The following SCN10A variants were observed in gnomAD, a reference collection of about 807,000 sequenced individuals.
SCN10A encodes sodium voltage-gated channel alpha subunit 10, also known as sodium channel protein type 10 subunit alpha.
A neutral mutation model predicts 170.7 loss-of-function variants in SCN10A; 162 were observed. The ratio of observed to expected loss-of-function variants is 0.95; its 90% confidence interval spans 0.84 to 1.08. The LOEUF is 1.08. Ranked by LOEUF, SCN10A falls within the 50% of genes least tolerant of loss-of-function variation. The pLI is 0.00. For missense variants in SCN10A, 2,527 were observed against 2,436.9 expected, an observed-to-expected ratio of 1.04 and a Z score of -0.78; for synonymous variants, 985 against 904.6, an observed-to-expected ratio of 1.09 and a Z score of -1.59.
intron 3 of SCN10A, among the ~76,000 whole-genome samples, chr3:38,790,167 G>GT (rs1251721011): frequency 2.0e-5 from 3 of 151,928 alleles, no homozygotes; most frequent in Non-Finnish European, 4.4e-5. Context: ...AACTAAAATC[G>GT]TGTCTCCAAT....
At chr3:38,777,853 A>C (rs1451394304) in intron 4 of SCN10A, among the ~76,000 whole-genome samples, 2 of 152,126 alleles carry the variant, frequency 1.3e-5, no homozygotes, top group Non-Finnish European at 2.9e-5. Context: ...GGAATAATCC[A>C]TATGGAAAAA....
intron 11 of SCN10A, among the ~76,000 whole-genome samples, chr3:38,754,455 T>C (rs929698608): frequency 2.6e-5 from 4 of 152,186 alleles, no homozygotes; most frequent in Non-Finnish European, 5.9e-5. Context: ...CTTTTTTCCC[T>C]TTGAAAGTAA....
chr3:38,803,603 G>A lies in SCN10A; in HGVS notation c.-32-9561C>T, dbSNP rs182753491. Among the ~76,000 whole-genome samples the A allele has an allele frequency of 3.0e-3, 437 of 143,518 alleles. 2 individuals carry two copies. Among genetic ancestry groups the A allele is most frequent in the South Asian group, 0.013 (58 of 4,388 alleles). 94.2% of individuals were successfully genotyped at this position (143,518 alleles called of 152,430 possible). ...CTCATAGGTGGGAATTGAAAAATGA[G>A]AACACATGGACACAGGAAGGGGAAC... On this transcript the variant is annotated intron_variant, in intron 1 of 27. Coordinates refer to ENST00000449082, the MANE Select transcript of SCN10A (RefSeq NM_006514.4).
Position 38,697,967 on chromosome 3 carries a change from A to G in SCN10A, c.5253T>C (p.Phe1751=). The G allele has an allele frequency of 6.2e-7, 1 of 1,614,190 alleles. No individual in the cohort carries two copies. Among genetic ancestry groups the G allele is most frequent in the Non-Finnish European group, 8.5e-7 (1 of 1,180,030 alleles). Residue 1751 remains phenylalanine (F), a synonymous_variant, in exon 28 of 28, where the codon TTT becomes TTC. Transcript: ENST00000449082. ...TAATAAACTGAGTGGCCTCTGGGTC[A>G]AACTTCTCCCAGGTCTCATAGAACA... ...FDMFYETWEK[F]DPEATQFITF...
At chr3:38,752,678 G>A (rs1243771897) in intron 11 of SCN10A, among the ~76,000 whole-genome samples, 166 bp from the exon 12 acceptor site, 3 of 152,130 alleles carry the variant, frequency 2.0e-5, no homozygotes, top group Non-Finnish European at 2.9e-5. Context: ...TATGCATGGT[G>A]GGGAAAAAGA....
chr3:38,800,047 A>G (rs781050231), intron 1 of SCN10A, among the ~76,000 whole-genome samples: 1 of 152,150 alleles, frequency 6.6e-6, no homozygotes, highest in Non-Finnish European at 1.5e-5. Context: ...AAAGTTTGTC[A>G]GCCCTAGAGC....
Position 38,728,642 on chromosome 3 carries a change from C to T in SCN10A, c.2540G>A (p.Cys847Tyr), listed in dbSNP as rs772757323. The T allele has an allele frequency of 8.1e-6, 13 of 1,614,102 alleles. No homozygotes were observed. Among genetic ancestry groups the T allele is most frequent in the Admixed American group, 1.7e-5 (1 of 60,008 alleles). The change falls in exon 16 of 28, where the codon TGT (cysteine) becomes TAT (tyrosine). Residue 847 changes from cysteine to tyrosine, a missense_variant. Transcript: ENST00000449082. ...HSFLIVFRIL[C>Y]GEWIENMWAC... ...CCACATGTTCTCAATCCACTCTCCA[C>T]AGAGGATACGGAAGACAATGAGGAA...
intron 15 of SCN10A, among the ~76,000 whole-genome samples, chr3:38,738,568 T>C (rs10428168): frequency 0.41 from 61,790 of 152,010 alleles, 13,691 homozygotes; most frequent in African/African-American, 0.59. Flanking sequence ...GGGAAGATTG[T>C]TGGATACTCC....
chr3:38,718,402 G>C (rs1432188750), intron 21 of SCN10A, among the ~76,000 whole-genome samples: 1 of 152,210 alleles, frequency 6.6e-6, no homozygotes, highest in Non-Finnish European at 1.5e-5. Context: ...AAATGCAGAG[G>C]ATTGCAGGGA....
At chr3:38,740,661 C>T (rs560701216) in intron 14 of SCN10A, among the ~76,000 whole-genome samples, 24 of 152,188 alleles carry the variant, frequency 1.6e-4, no homozygotes, top group Non-Finnish European at 3.5e-4. Context: ...TATTTAACCT[C>T]TCTGAGTCTT....
intron 27 of SCN10A, among the ~76,000 whole-genome samples, chr3:38,700,421 G>A (rs2063144379): frequency 6.6e-6 from 1 of 152,140 alleles, no homozygotes; most frequent in East Asian, 1.9e-4. Context: ...AATTTGCCAA[G>A]AGAATAAATC....
At chr3:38,713,816 CAG>C in intron 22 of SCN10A, 140 bp downstream of exon 22, 2 of 905,984 alleles carry the variant, frequency 2.2e-6, no homozygotes, top group Non-Finnish European at 1.6e-6. Flanking sequence ...TTAGCAGAGA[CAG>C]GGTTTCGGCA....
chr3:38,708,257 G>C (rs2063231775), intron 25 of SCN10A, among the ~76,000 whole-genome samples: 1 of 152,090 alleles, frequency 6.6e-6, no homozygotes, highest in Non-Finnish European at 1.5e-5. Flanking sequence ...CTCCAGGTGA[G>C]GTCATGCTGA....
At chr3:38,796,612 C>A (rs1228946780) in intron 1 of SCN10A, among the ~76,000 whole-genome samples, 1 of 152,166 alleles carries the variant, frequency 6.6e-6, no homozygotes, top group Admixed American at 6.5e-5. Flanking sequence ...GAATTTGACC[C>A]ATTCTTTTTT....
intron 1 of SCN10A, among the ~76,000 whole-genome samples, chr3:38,801,800 G>A (rs2064372784): frequency 6.6e-6 from 1 of 152,156 alleles, no homozygotes; most frequent in South Asian, 2.1e-4. Flanking sequence ...GATTTTACCT[G>A]TGTAGGATTG....
At chr3:38,751,997 C>G (rs530401954) in intron 12 of SCN10A, among the ~76,000 whole-genome samples, 4 of 152,270 alleles carry the variant, frequency 2.6e-5, no homozygotes, top group East Asian at 3.9e-4. Context: ...ATTTGCATCA[C>G]TACTGCAGAA....
intron 18 of SCN10A, 32 bp from the exon 19 acceptor site, chr3:38,723,585 G>GTC (rs1426885990): frequency 6.4e-7 from 1 of 1,557,510 alleles, no homozygotes; most frequent in South Asian, 1.2e-5. Flanking sequence ...CAGTGAACTC[G>GTC]TCTCTCCGCG....
In SCN10A at chr3:38,712,277, T is replaced by A; in HGVS notation, c.3973A>T (p.Ile1325Phe). Residue 1325 changes from isoleucine to phenylalanine, a missense_variant, in exon 23 of 28, where the codon ATT becomes TTT. Coordinates refer to ENST00000449082, the MANE Select transcript of SCN10A (RefSeq NM_006514.4). Reference protein sequence around the residue: ...DGEFSLVPLSIVNNKSDCKIQ... With the variant: ...DGEFSLVPLSFVNNKSDCKIQ... ...TTGCAGTCAGACTTGTTATTCACAA[T>A]CGACAAAGGTACAAGGGAAAACTCT... 6.2e-7 allele frequency: 1 copy of A among 1,614,194 alleles called. No homozygotes were observed. Among genetic ancestry groups the A allele is most frequent in the Non-Finnish European group, 8.5e-7 (1 of 1,180,036 alleles).
At chr3:38,758,303 C>G (rs2063831889) in intron 8 of SCN10A, among the ~76,000 whole-genome samples, 1 of 152,178 alleles carries the variant, frequency 6.6e-6, no homozygotes, top group African/African-American at 2.4e-5. Flanking sequence ...CTAGGCAACC[C>G]ATTTCCTGTA....
Sources: allele counts gnomAD v4.1 joint callset (sites outside exome capture counted in the v4.1 genomes callset), GRCh38; gene constraint gnomAD v4.1.1; transcripts MANE v1.5; gene names NCBI Gene and HGNC (gene_info 2026-07-23, HGNC 2026-07-21).